The following TRAPPC9 variants were observed in gnomAD, a reference collection of about 807,000 sequenced individuals.
The protein encoded by TRAPPC9 is trafficking protein particle complex subunit 9, also known as IKK2 binding protein.
A neutral mutation model predicts 124.0 loss-of-function variants in TRAPPC9; 83 were observed. That is an observed-to-expected ratio of 0.67 (90% CI 0.56 to 0.80). The LOEUF is 0.80. Among genes scored for constraint, TRAPPC9 ranks in the 30% least tolerant of loss-of-function variants. The pLI, the probability that TRAPPC9 is intolerant of heterozygous loss-of-function variation, is 0.00. For synonymous variants in TRAPPC9, 638 were observed against 617.5 expected (o/e 1.03, Z -0.49); for missense variants, 1,302 against 1,508.3 (o/e 0.86, Z 2.27).
intron 21 of TRAPPC9, among the ~76,000 whole-genome samples, chr8:139,764,769 G>A (rs1182906031): frequency 6.6e-6 from 1 of 152,148 alleles, no homozygotes; most frequent in Non-Finnish European, 1.5e-5. Flanking sequence ...ACCGGCTAGA[G>A]GAGGTGACCC....
intron 19 of TRAPPC9, among the ~76,000 whole-genome samples, chr8:139,924,356 A>G (rs1832682080): frequency 6.6e-6 from 1 of 152,190 alleles, no homozygotes; most frequent in African/African-American, 2.4e-5. Context: ...GGAGCCCTGC[A>G]CCTGACCCGG....
At chr8:139,926,269 T>A (rs1320106292) in intron 19 of TRAPPC9, among the ~76,000 whole-genome samples, 1 of 152,150 alleles carries the variant, frequency 6.6e-6, no homozygotes, top group East Asian at 1.9e-4. Context: ...TGAACCTAAC[T>A]GGACTGAGGA....
chr8:140,311,965 G>A (rs1233919564), intron 9 of TRAPPC9, among the ~76,000 whole-genome samples: 2 of 152,184 alleles, frequency 1.3e-5, no homozygotes, highest in Non-Finnish European at 2.9e-5. Flanking sequence ...AGTCTAGACA[G>A]GCCACGGACA....
chr8:140,364,366 T>C (rs1378639513), intron 8 of TRAPPC9, among the ~76,000 whole-genome samples: 1 of 144,496 alleles, frequency 6.9e-6, no homozygotes, highest in African/African-American at 2.6e-5. Context: ...GCACAGCAAA[T>C]GGGAATTCCA....
chr8:140,275,142 AC>A (rs1001245284), intron 15 of TRAPPC9, among the ~76,000 whole-genome samples: 3 of 151,724 alleles, frequency 2.0e-5, no homozygotes, highest in Non-Finnish European at 4.4e-5. Flanking sequence ...GCTAAATACT[AC>A]CCCCCCTATT....
chr8:140,127,763 C>T (rs1329920946), intron 17 of TRAPPC9, among the ~76,000 whole-genome samples: 1 of 152,202 alleles, frequency 6.6e-6, no homozygotes, highest in East Asian at 1.9e-4. Flanking sequence ...AAAAGCATTG[C>T]TCCTATACAG....
intron 21 of TRAPPC9, among the ~76,000 whole-genome samples, chr8:139,868,642 C>A (rs975623029): frequency 2.6e-5 from 4 of 152,192 alleles, no homozygotes; most frequent in Non-Finnish European, 5.9e-5. Context: ...GAATGACAAC[C>A]TCACATACGC....
chr8:140,423,708 A>G (rs2132536542), intron 5 of TRAPPC9, among the ~76,000 whole-genome samples: 1 of 151,590 alleles, frequency 6.6e-6, no homozygotes, highest in African/African-American at 2.4e-5. Context: ...ATGTATACAC[A>G]TATATACATA....
At chr8:140,084,126 A>G (rs1844029440) in intron 17 of TRAPPC9, among the ~76,000 whole-genome samples, 1 of 152,152 alleles carries the variant, frequency 6.6e-6, no homozygotes, top group African/African-American at 2.4e-5. Context: ...AATGGTAGCT[A>G]TTATTATTAT....
At chr8:140,426,789 T>C in intron 4 of TRAPPC9, 148 bp from the exon 5 acceptor site, 1 of 769,252 alleles carries the variant, frequency 1.3e-6, no homozygotes, top group South Asian at 1.6e-5. Context: ...GAACAGTATG[T>C]TACAAGTTTG....
chr8:140,056,569 A>C (rs578218838), intron 17 of TRAPPC9, among the ~76,000 whole-genome samples: 17 of 152,194 alleles, frequency 1.1e-4, no homozygotes, highest in Non-Finnish European at 1.8e-4. Context: ...GGGGACAGAT[A>C]ATCACTTTAA....
intron 7 of TRAPPC9, among the ~76,000 whole-genome samples, chr8:140,380,342 T>C (rs1271102008): frequency 6.6e-6 from 1 of 152,146 alleles, no homozygotes; most frequent in Non-Finnish European, 1.5e-5. Context: ...CTTGGACAAC[T>C]GGATATTCAT....
rs572004953 is a variant in TRAPPC9, at chr8:139,908,164, TCCCAACCATC to T, written c.2964+1973_2964+1982del. On this transcript the variant is annotated intron_variant, in intron 20 of 22. Transcript: ENST00000438773. ...AAGCGTGGGGACACAGAGGTCAAAA[TCCCAACCATC>T]CTAGGGCTCTGGCTTTTATCTGAGC... Among the ~76,000 whole-genome samples, 167 of 152,024 alleles carry T rather than the reference TCCCAACCATC, an allele frequency of 1.1e-3. 1 individual carries two copies. The highest frequency in any genetic ancestry group is 0.01 in the Middle Eastern group (3 of 294).
chr8:139,730,367 A>G lies in TRAPPC9; in HGVS notation c.*694T>C. On this transcript the variant is annotated 3_prime_UTR_variant, in exon 23 of 23. Coordinates refer to ENST00000438773, the MANE Select transcript of TRAPPC9 (RefSeq NM_001160372.4). ...GGAGGGGGAGGCAGGCCATTTATTG[A>G]AGAACTGCTTGCAGACATGGACACA... 6.6e-6 allele frequency: 1 copy of G among 152,594 alleles called. No individual in the cohort carries two copies. Among genetic ancestry groups the G allele is most frequent in the Non-Finnish European group, 1.5e-5 (1 of 68,346 alleles). The allele number at this position is 152,594 out of a possible 1,614,324, so 9.5% of individuals were successfully genotyped here. A position where few individuals can be genotyped will look rare whatever the true frequency, so the allele number is the denominator to read the frequency against.
In TRAPPC9 at chr8:140,209,109, C is replaced by T. The variant is rs555386704; in HGVS notation, c.2556+12350G>A. ...ATCACTGACATAGGCCCTGAAGGGG[C>T]CCCGTGGACACACTCTGCCTCTTCC... is the stretch of plus-strand genomic sequence containing the variant. On this transcript the variant is annotated intron_variant, in intron 17 of 22. Transcript: ENST00000438773. Among the ~76,000 whole-genome samples the T allele has an allele frequency of 4.6e-5, 7 of 152,286 alleles. No individual in the cohort carries two copies. The East Asian group carries it at 1.3e-3, about 29-fold the overall frequency.
intron 5 of TRAPPC9, among the ~76,000 whole-genome samples, chr8:140,408,115 G>C (rs963682754): frequency 6.6e-6 from 1 of 152,168 alleles, no homozygotes; most frequent in African/African-American, 2.4e-5. Context: ...GATCTTTCTT[G>C]ACATCTGTAA....
chr8:140,218,077 G>T (rs1275302530), intron 17 of TRAPPC9, among the ~76,000 whole-genome samples: 6 of 151,558 alleles, frequency 4.0e-5, no homozygotes, highest in Non-Finnish European at 8.8e-5. Context: ...AGATAAAAGC[G>T]TGCCAATAAT....
chr8:140,434,775 C>A (rs905764843), intron 4 of TRAPPC9, among the ~76,000 whole-genome samples: 13 of 152,016 alleles, frequency 8.6e-5, no homozygotes, highest in African/African-American at 3.1e-4. Context: ...TCGAGACCAG[C>A]CTGGCCAACA....
chr8:140,331,251 G>A (rs2066887947), intron 9 of TRAPPC9, among the ~76,000 whole-genome samples: 1 of 152,092 alleles, frequency 6.6e-6, no homozygotes, highest in Non-Finnish European at 1.5e-5. Context: ...ATGGTGCTGG[G>A]AAAACTGGAT....
Sources: gnomAD v4.1 joint callset for allele counts (sites outside exome capture counted in the v4.1 genomes callset) on GRCh38, gnomAD v4.1.1 for gene constraint, MANE v1.5 for transcripts, NCBI Gene and HGNC (gene_info 2026-07-23, HGNC 2026-07-21) for gene names.